GALC: variants seen among roughly 807,000 people sequenced by gnomAD.
GALC encodes galactosylceramidase.
In GALC, 77 loss-of-function variants were observed where a neutral mutation model predicts 91.8. The observed-to-expected ratio is 0.84, with a 90% CI of 0.70 to 1.01. The LOEUF (loss-of-function observed/expected upper bound fraction) is 1.01. GALC is among the 50% of genes least tolerant of loss of function. The probability of loss-of-function intolerance (pLI) is 0.00; values close to 1 mark genes in which losing one functional copy is unlikely to be tolerated. For synonymous variants in GALC, 357 were observed against 306.7 expected, an observed-to-expected ratio of 1.16 and a Z score of -1.71; for missense variants, 882 against 855.9, an observed-to-expected ratio of 1.03 and a Z score of -0.38.
intron 1 of GALC, among the ~76,000 whole-genome samples, chr14:87,990,627 C>A (rs775050581): frequency 6.6e-5 from 10 of 152,222 alleles, no homozygotes; most frequent in Non-Finnish European, 8.8e-5. Context: ...TCCTGTCCTA[C>A]GCTACGCCAT....
At chr14:87,991,306 G>A (rs1887191260) in intron 1 of GALC, among the ~76,000 whole-genome samples, 2 of 152,250 alleles carry the variant, frequency 1.3e-5, no homozygotes, top group Non-Finnish European at 2.9e-5. Flanking sequence ...GGGTTCAAGC[G>A]ATTCTCCTGC....
chr14:87,974,262 T>C (rs897281780), intron 7 of GALC, among the ~76,000 whole-genome samples: 4 of 152,116 alleles, frequency 2.6e-5, no homozygotes, highest in African/African-American at 9.7e-5. Context: ...GGCAAAAATA[T>C]ATTAGGCAAA....
intron 10 of GALC, among the ~76,000 whole-genome samples, chr14:87,957,690 T>TA (rs571578981): frequency 2.2e-4 from 34 of 152,258 alleles, no homozygotes; most frequent in Middle Eastern, 6.8e-3. Context: ...ATAATGTATA[T>TA]AAATCAGCAG....
intron 10 of GALC, among the ~76,000 whole-genome samples, chr14:87,957,401 C>G (rs1271772717): frequency 6.6e-6 from 1 of 152,068 alleles, no homozygotes; most frequent in South Asian, 2.1e-4. Context: ...TAGATTGAAG[C>G]CTTTAATCCA....
chr14:87,987,326 C>T (rs1887017845), intron 3 of GALC, among the ~76,000 whole-genome samples: 1 of 152,188 alleles, frequency 6.6e-6, no homozygotes, highest in Non-Finnish European at 1.5e-5. Flanking sequence ...TGTACCTCTA[C>T]CTCTAATTTA....
At chr14:87,958,258 G>C (rs187448051) in intron 10 of GALC, among the ~76,000 whole-genome samples, 1 of 152,130 alleles carries the variant, frequency 6.6e-6, no homozygotes, top group Non-Finnish European at 1.5e-5. Flanking sequence ...AGGGAACAGA[G>C]CAACAAGGGA....
At chr14:87,954,924 T>C (rs1187560942) in intron 10 of GALC, 10 of 1,541,548 alleles carry the variant, frequency 6.5e-6, no homozygotes, top group South Asian at 2.2e-5. Flanking sequence ...GAAGACATGA[T>C]GTTTACATCC....
At position 87,959,929 on chromosome 14, in the gene GALC, T is replaced by C. The variant is rs150967165; in HGVS notation, c.1161+3455A>G. ...GAATAAAGAAAATGTGATATATATA[T>C]ACACAATGGAGTACTATTAGTCATA... On this transcript the variant is annotated intron_variant, in intron 10 of 16. Coordinates refer to ENST00000261304, the MANE Select transcript of GALC (RefSeq NM_000153.4). Among the ~76,000 whole-genome samples, 36 of 152,224 alleles carry C rather than the reference T, an allele frequency of 2.4e-4. 1 individual carries two copies. The East Asian group carries it at 5.6e-3, about 24-fold the overall frequency.
chr14:87,955,061 C>T (rs1454293496), intron 10 of GALC: 36 of 1,337,138 alleles, frequency 2.7e-5, no homozygotes, highest in Admixed American at 6.7e-5. Context: ...CACTCCTTGT[C>T]GGCAGTCAGC....
intron 10 of GALC, among the ~76,000 whole-genome samples, chr14:87,962,578 TACACACAC>T (rs36205603): frequency 0.27 from 40,111 of 146,092 alleles, 6,440 homozygotes; most frequent in Admixed American, 0.38. Context: ...CCTGATATGA[TACACACAC>T]ACACACACAC....
intron 10 of GALC, among the ~76,000 whole-genome samples, chr14:87,955,708 A>T (rs1885505930): frequency 6.6e-6 from 1 of 152,120 alleles, no homozygotes; most frequent in Non-Finnish European, 1.5e-5. Flanking sequence ...ATTGAAAACG[A>T]AGGAAATGAG....
intron 14 of GALC, 143 bp from the exon 15 acceptor site, chr14:87,941,701 T>C: frequency 1.5e-6 from 1 of 683,662 alleles, no homozygotes; most frequent in Non-Finnish European, 2.6e-6. Flanking sequence ...GTAGCAGAGA[T>C]GGGCTTCAAG....
At chr14:87,952,655 C>T (rs1885360646) in intron 10 of GALC, 4 of 1,543,634 alleles carry the variant, frequency 2.6e-6, no homozygotes, top group Non-Finnish European at 3.6e-6. Flanking sequence ...AAAAACAGCA[C>T]AAAAATCTTG....
In GALC at chr14:87,965,489, T is replaced by C. The variant is rs1050922795; in HGVS notation, c.1033+16A>G. Reference sequence around the variant, plus strand: ...AGAGAAGAATTTAGGGAGTGAGAGATGGAACTGAACCATACCTGATACCCA... The same window carrying C: ...AGAGAAGAATTTAGGGAGTGAGAGACGGAACTGAACCATACCTGATACCCA... On this transcript the variant is annotated intron_variant, in intron 9 of 16. Coordinates refer to ENST00000261304, the MANE Select transcript of GALC (RefSeq NM_000153.4). The C allele has an allele frequency of 6.2e-7, 1 of 1,613,082 alleles. No homozygotes were observed. The highest frequency in any genetic ancestry group is 8.5e-7 in the Non-Finnish European group (1 of 1,179,208).
At chr14:87,970,465 GA>G (rs1291089410) in intron 7 of GALC, among the ~76,000 whole-genome samples, 1 of 152,012 alleles carries the variant, frequency 6.6e-6, no homozygotes, top group Non-Finnish European at 1.5e-5. Flanking sequence ...AGAAAATGAT[GA>G]AACTGTTACC....
rs1209728861 is a variant in GALC at position 87,963,643 on chromosome 14, A to G, written c.1034-132T>C. On this transcript the variant is annotated intron_variant, in intron 9 of 16. Coordinates refer to ENST00000261304, the MANE Select transcript of GALC (RefSeq NM_000153.4). ...AAGCTATTTTCTATTTTGCAGGAAT[A>G]TATCCGTCAACCTCATGTTTAAATT... 13 of 726,528 alleles carry G rather than the reference A, an allele frequency of 1.8e-5. No individual in the cohort carries two copies. The Admixed American group carries it at 3.1e-4, about 17-fold the overall frequency. The allele number at this position is 726,528 out of a possible 1,614,324, so 45.0% of individuals were successfully genotyped here.
chr14:87,988,035 A>T, intron 3 of GALC, 109 bp downstream of exon 3: 1 of 835,200 alleles, frequency 1.2e-6, no homozygotes, highest in Non-Finnish European at 2.0e-6. Flanking sequence ...GCAACAATCA[A>T]TCTCAAAAGT....
intron 6 of GALC, among the ~76,000 whole-genome samples, chr14:87,979,890 T>C (rs774993445): frequency 1.1e-4 from 17 of 152,194 alleles, no homozygotes; most frequent in Non-Finnish European, 1.9e-4. Flanking sequence ...ACAGCAGGCA[T>C]GACTTTCCAC....
intron 10 of GALC, among the ~76,000 whole-genome samples, chr14:87,956,621 C>CAA (rs1310411201): frequency 1.8e-4 from 9 of 49,430 alleles, no homozygotes; most frequent in African/African-American, 1.5e-3. Context: ...CACACACACA[C>CAA]CATATATATA....
Sources: allele counts gnomAD v4.1 joint callset (sites outside exome capture counted in the v4.1 genomes callset), GRCh38; gene constraint gnomAD v4.1.1; transcripts MANE v1.5; gene names NCBI Gene and HGNC (gene_info 2026-07-23, HGNC 2026-07-21).